The following GPAM variants were observed in gnomAD, a reference collection of about 807,000 sequenced individuals.
GPAM encodes the protein glycerol-3-phosphate acyltransferase, mitochondrial, also known as glycerol-3-phosphate acyltransferase 1, mitochondrial.
In GPAM, 56 loss-of-function variants were observed where a neutral mutation model predicts 105.0. The observed-to-expected ratio is 0.53, with a 90% CI of 0.43 to 0.67. The LOEUF (loss-of-function observed/expected upper bound fraction) is 0.67. GPAM is among the 30% of genes least tolerant of loss of function. The probability of loss-of-function intolerance (pLI) is 0.00; values close to 1 mark genes in which losing one functional copy is unlikely to be tolerated. For missense variants in GPAM, 855 were observed against 989.8 expected, an observed-to-expected ratio of 0.86 and a Z score of 1.83; for synonymous variants, 368 against 354.4, an observed-to-expected ratio of 1.04 and a Z score of -0.43.
At chr10:112,161,906 G>A (rs1163679086) in intron 14 of GPAM, among the ~76,000 whole-genome samples, 169 bp from the exon 15 acceptor site, 2 of 152,100 alleles carry the variant, frequency 1.3e-5, no homozygotes, top group East Asian at 3.8e-4. Flanking sequence ...ACAGTGTTCT[G>A]GTATAATGGA....
rs192577378 is a variant in GPAM, at chr10:112,150,230, C to T, written c.*3320G>A. On this transcript the variant is annotated 3_prime_UTR_variant, in exon 22 of 22. Transcript: ENST00000348367. ...CCATAGTAAGTCTTAGAAACCTCAA[C>T]GATAGGTCCTGTCATGTCTAAACAC... 12 of 984,018 alleles carry T rather than the reference C, an allele frequency of 1.2e-5. No individual in the cohort carries two copies. In the East Asian group the frequency reaches 1.0e-3, roughly 84 times the overall value. 61.0% of individuals were successfully genotyped at this position (984,018 alleles called of 1,614,324 possible).
intron 1 of GPAM, among the ~76,000 whole-genome samples, chr10:112,193,298 T>G (rs1178155121): frequency 3.3e-5 from 5 of 152,144 alleles, no homozygotes; most frequent in Admixed American, 3.3e-4. Flanking sequence ...GAGGGGGTCC[T>G]GACCAGGAGG....
At position 112,172,094 on chromosome 10, in the gene GPAM, A is replaced by G; in HGVS notation, c.794+88T>C. 5.1e-6 allele frequency: 5 copies of G among 985,838 alleles called. No homozygotes were observed. The Middle Eastern group carries it at 6.5e-4, about 127-fold the overall frequency. The allele number at this position is 985,838 out of a possible 1,614,324, so 61.1% of individuals were successfully genotyped here. A position where few individuals can be genotyped will look rare whatever the true frequency, so the allele number is the denominator to read the frequency against. On this transcript the variant is annotated intron_variant, in intron 9 of 21. Coordinates refer to ENST00000348367, the MANE Select transcript of GPAM (RefSeq NM_001244949.2). ...AAAAAAGGCTAATGTCATCTTTACA[A>G]TAACATATCGAAAGCTATAATTTAA...
intron 10 of GPAM, 124 bp downstream of exon 10, chr10:112,168,729 A>C (rs2251579): frequency 0.59 from 453,763 of 775,594 alleles, 133,559 homozygotes; most frequent in East Asian, 0.62. Flanking sequence ...TACCAAACTC[A>C]AGCAATAATC....
At position 112,163,686 on chromosome 10, in the gene GPAM, T is replaced by G; in HGVS notation, c.1423+15A>C. 1 of 1,093,612 alleles carries G rather than the reference T, an allele frequency of 9.1e-7. No individual in the cohort carries two copies. Among genetic ancestry groups the G allele is most frequent in the Non-Finnish European group, 1.4e-6 (1 of 704,316 alleles). 67.7% of individuals were successfully genotyped at this position (1,093,612 alleles called of 1,614,324 possible). Reference sequence around the variant, plus strand: ...ATCTAAATTGTAGAATTAAAGAGTCTGGTATTCTACTTACTGAATAGAATA... The same window carrying G: ...ATCTAAATTGTAGAATTAAAGAGTCGGGTATTCTACTTACTGAATAGAATA... On this transcript the variant is annotated intron_variant, in intron 14 of 21. Coordinates refer to ENST00000348367, the MANE Select transcript of GPAM (RefSeq NM_001244949.2).
Position 112,164,613 on chromosome 10 carries a change from G to A in GPAM, c.1222-3C>T. On this transcript the variant is annotated splice_polypyrimidine_tract_variant and splice_region_variant and intron_variant, in intron 12 of 21. Transcript: ENST00000348367. ...TGACTTTGGCTTTCTAAATATTCCTGGAGAAAAAAACACAACATGATCATT... is the reference window on the plus strand; with the variant it reads ...TGACTTTGGCTTTCTAAATATTCCTAGAGAAAAAAACACAACATGATCATT... 1 of 1,551,134 alleles carries A rather than the reference G, an allele frequency of 6.4e-7. No individual in the cohort carries two copies. The highest frequency in any genetic ancestry group is 8.9e-7 in the Non-Finnish European group (1 of 1,123,228).
intron 19 of GPAM, chr10:112,157,025 A>G: frequency 1.6e-6 from 1 of 617,458 alleles, no homozygotes; most frequent in Admixed American, 2.7e-5. Context: ...AGTCTCACCT[A>G]TGACATTCAT....
chr10:112,153,145 A>G lies in GPAM; in HGVS notation c.*405T>C. On this transcript the variant is annotated 3_prime_UTR_variant, in exon 22 of 22. Transcript: ENST00000348367. Reference sequence around the variant, plus strand: ...TTAACCACTAACCAGATAATATACCAACAAATTACCCAGCAGCACTAAGTA... The same window carrying G: ...TTAACCACTAACCAGATAATATACCGACAAATTACCCAGCAGCACTAAGTA... The G allele has an allele frequency of 9.7e-7, 1 of 1,029,782 alleles. No individual in the cohort carries two copies. The highest frequency in any genetic ancestry group is 1.2e-6 in the Non-Finnish European group (1 of 853,846). The allele number at this position is 1,029,782 out of a possible 1,614,324, so 63.8% of individuals were successfully genotyped here. A position where few individuals can be genotyped will look rare whatever the true frequency, so the allele number is the denominator to read the frequency against.
chr10:112,212,765 G>A (rs1847926357), intron 1 of GPAM, among the ~76,000 whole-genome samples: 1 of 152,222 alleles, frequency 6.6e-6, no homozygotes, highest in African/African-American at 2.4e-5. Flanking sequence ...CTGAAACACA[G>A]GGTGGTGGTA....
At position 112,161,600 on chromosome 10, in the gene GPAM, G is replaced by C; in HGVS notation, c.1494+67C>G. On this transcript the variant is annotated intron_variant, in intron 15 of 21. Coordinates refer to ENST00000348367, the MANE Select transcript of GPAM (RefSeq NM_001244949.2). The stretch of plus-strand genomic sequence containing the variant: ...GTGGGCCAAATCTGCCCCTGAGTAT[G>C]TATCTGAGCAGCTGACAAAACATTC... The C allele has an allele frequency of 2.3e-6, 3 of 1,305,382 alleles. No individual in the cohort carries two copies. In the South Asian group the frequency reaches 3.6e-5, roughly 16 times the overall value. 80.9% of individuals were successfully genotyped at this position (1,305,382 alleles called of 1,614,324 possible).
At chr10:112,168,693 T>TAACAAC (rs374622483) in intron 10 of GPAM, among the ~76,000 whole-genome samples, 160 bp downstream of exon 10, 5 of 151,966 alleles carry the variant, frequency 3.3e-5, no homozygotes, top group African/African-American at 4.8e-5. Flanking sequence ...ATTTTGGTAA[T>TAACAAC]AACAACAACA....
intron 1 of GPAM, among the ~76,000 whole-genome samples, chr10:112,210,306 C>T (rs1190795614): frequency 2.6e-5 from 4 of 152,142 alleles, no homozygotes; most frequent in Non-Finnish European, 4.4e-5. Flanking sequence ...CATCTCTGTC[C>T]CTTTCTTAAC....
intron 4 of GPAM, among the ~76,000 whole-genome samples, chr10:112,179,978 C>A (rs906003996): frequency 6.6e-6 from 1 of 152,286 alleles, no homozygotes; most frequent in African/African-American, 2.4e-5. Flanking sequence ...ACAACAAACC[C>A]ATATACACTC....
chr10:112,161,232 T>A (rs1246582067), intron 15 of GPAM, among the ~76,000 whole-genome samples: 1 of 152,204 alleles, frequency 6.6e-6, no homozygotes, highest in Non-Finnish European at 1.5e-5. Context: ...TGCCTATATA[T>A]ATTGGCACTG....
chr10:112,154,736 A>G, intron 20 of GPAM, 49 bp from the exon 21 acceptor site: 1 of 1,304,920 alleles, frequency 7.7e-7, no homozygotes. Flanking sequence ...TCAACAAATC[A>G]TGACAATCCC....
chr10:112,168,286 G>C (rs772466881), intron 11 of GPAM, 26 bp downstream of exon 11: 1 of 1,307,876 alleles, frequency 7.6e-7, no homozygotes, highest in Non-Finnish European at 1.1e-6. Context: ...GATAAGCAAA[G>C]AAAACTTTTG....
chr10:112,153,601 T>C lies in GPAM; in HGVS notation c.2436A>G (p.Gln812=), dbSNP rs748862078. The change falls in exon 22 of 22, where the codon CAA becomes CAG. Residue 812 remains glutamine (Q), a synonymous_variant. Coordinates refer to ENST00000348367, the MANE Select transcript of GPAM (RefSeq NM_001244949.2). ...ATTCTAGAAGTTTTTGTCGGTTGCA[T>C]TGAGGTAGAAAAGTGCTGCTCAGTT... ...VLELSSTFLP[Q]CNRQKLLEYI... 13 of 1,613,888 alleles carry C rather than the reference T, an allele frequency of 8.1e-6. No homozygotes were observed. Among genetic ancestry groups the C allele is most frequent in the Middle Eastern group, 1.6e-4 (1 of 6,082 alleles).
the GPAM span, among the ~76,000 whole-genome samples, chr10:112,224,411 C>T: frequency 1.3e-5 from 2 of 152,124 alleles, no homozygotes; most frequent in South Asian, 4.2e-4. Flanking sequence ...CTTGTTTCTC[C>T]ACTGGCAGAA....
the GPAM span, among the ~76,000 whole-genome samples, chr10:112,223,386 G>A: frequency 6.6e-6 from 1 of 152,116 alleles, no homozygotes; most frequent in South Asian, 2.1e-4. Flanking sequence ...AAATTCTATC[G>A]ATCTCCTAGT....
Sources: allele counts gnomAD v4.1 joint callset (sites outside exome capture counted in the v4.1 genomes callset), GRCh38; gene constraint gnomAD v4.1.1; transcripts MANE v1.5; gene names NCBI Gene and HGNC (gene_info 2026-07-23, HGNC 2026-07-21).